Variants in GIGYF2 observed in about 807,000 individuals in gnomAD.
GIGYF2 encodes the protein GRB10 interacting GYF protein 2, also known as GRB10-interacting GYF protein 2.
Under a neutral mutation model 208.1 loss-of-function variants are expected in GIGYF2, and 25 were observed. That is an observed-to-expected ratio of 0.12 (90% CI 0.09 to 0.17). GIGYF2 has a LOEUF of 0.17. Among genes scored for constraint, GIGYF2 ranks in the 10% least tolerant of loss-of-function variants. The pLI, the probability that GIGYF2 is intolerant of heterozygous loss-of-function variation, is 1.00. For missense variants in GIGYF2, 1,302 were observed against 1,579.4 expected (o/e 0.82, Z 2.98); for synonymous variants, 534 against 543.8 (o/e 0.98, Z 0.25).
At chr2:232,756,168 AT>A (rs891986630) in intron 5 of GIGYF2, 54 bp from the exon 6 acceptor site, 35 of 984,232 alleles carry the variant, frequency 3.6e-5, no homozygotes, top group Non-Finnish European at 4.2e-5. Context: ...TGTTTCATCC[AT>A]TTTTTTCTTT....
chr2:232,756,128 A>G lies in GIGYF2; in HGVS notation c.268-95A>G, dbSNP rs543483845. 3 of 707,296 alleles carry G rather than the reference A, an allele frequency of 4.2e-6. No homozygotes were observed. In the African/African-American group the frequency reaches 5.4e-5, roughly 13 times the overall value. The allele number at this position is 707,296 out of a possible 1,614,324, so 43.8% of individuals were successfully genotyped here. A position where few individuals can be genotyped will look rare whatever the true frequency, so the allele number is the denominator to read the frequency against. On this transcript the variant is annotated intron_variant, in intron 5 of 28. Coordinates refer to ENST00000373563, the MANE Select transcript of GIGYF2 (RefSeq NM_001103146.3). ...ATGCCTTTTTATAGATGCAGTAGGA[A>G]TGTGGGGAGAAGCAACATGTAGTTT...
intron 8 of GIGYF2, chr2:232,766,826 A>G (rs377117377): frequency 5.9e-5 from 9 of 152,294 alleles, no homozygotes; most frequent in African/African-American, 1.9e-4. Context: ...ATTCCTGCCT[A>G]GGTCATCACC....
intron 22 of GIGYF2, among the ~76,000 whole-genome samples, chr2:232,836,733 G>T (rs976292405): frequency 6.6e-6 from 1 of 152,142 alleles, no homozygotes; most frequent in Middle Eastern, 3.4e-3. Flanking sequence ...AGATAAGGTA[G>T]CAGCCTCCTA....
At chr2:232,849,789 T>G (rs1323674704) in intron 27 of GIGYF2, among the ~76,000 whole-genome samples, 2 of 152,182 alleles carry the variant, frequency 1.3e-5, no homozygotes, top group Non-Finnish European at 2.9e-5. Context: ...GCCAGATCGT[T>G]TCTGGGATTG....
Position 232,794,840 on chromosome 2 carries a change from A to T in GIGYF2, c.1375A>T (p.Ser459Cys). The change falls in exon 13 of 29, where the codon AGT becomes TGT. Residue 459 changes from serine (S) to cysteine (C), a missense_variant. Ser to Cys is a moderately radical substitution (Grantham distance 112). Around this residue, in one of 8 missense-constraint regions of GIGYF2, gnomAD observed 235 missense variants for 218.8 expected, o/e 1.07. Coordinates refer to ENST00000373563, the MANE Select transcript of GIGYF2 (RefSeq NM_001103146.3). Reference protein sequence around the residue: ...LILPPPVPNPSPTLRPVETPV... With the variant: ...LILPPPVPNPCPTLRPVETPV... ...ACTTCCACCTCCTGTTCCCAATCCTAGTCCTACTCTCCGGCCAGTTGAAAC... is the reference window on the plus strand; with the variant it reads ...ACTTCCACCTCCTGTTCCCAATCCTTGTCCTACTCTCCGGCCAGTTGAAAC... 6.2e-7 allele frequency: 1 copy of T among 1,613,626 alleles called. No individual in the cohort carries two copies. The highest frequency in any genetic ancestry group is 8.5e-7 in the Non-Finnish European group (1 of 1,179,606).
At position 232,791,072 on chromosome 2, in the gene GIGYF2, A is replaced by G; in HGVS notation, c.995A>G (p.Glu332Gly). ...EMDFRPVDEGEECSDSEGSHN... is the reference protein window; with the variant it reads ...EMDFRPVDEGGECSDSEGSHN... ...GACTTCCGGCCTGTGGACGAAGGGG[A>G]GGAGTGCTCTGACTCTGAGGGTAGC... The change falls in exon 11 of 29, where the codon GAG (glutamate) becomes GGG (glycine). Residue 332 changes from glutamate (E) to glycine (G), a missense_variant. Transcript: ENST00000373563. The G allele has an allele frequency of 6.2e-7, 1 of 1,613,914 alleles. No homozygotes were observed. The highest frequency in any genetic ancestry group is 1.1e-5 in the South Asian group (1 of 91,068).
intron 14 of GIGYF2, among the ~76,000 whole-genome samples, chr2:232,796,688 A>T (rs561579927): frequency 6.6e-6 from 1 of 152,120 alleles, no homozygotes; most frequent in Non-Finnish European, 1.5e-5. Context: ...GTGAAACTCC[A>T]TCTCTACTAA....
At chr2:232,817,569 C>T (rs998703975) in intron 20 of GIGYF2, among the ~76,000 whole-genome samples, 7 of 152,184 alleles carry the variant, frequency 4.6e-5, no homozygotes, top group Non-Finnish European at 1.0e-4. Context: ...CTCCTAGTAA[C>T]CACCATTCTT....
At chr2:232,836,289 TA>T (rs1559160308) in intron 22 of GIGYF2, among the ~76,000 whole-genome samples, 4 of 7,130 alleles carry the variant, frequency 5.6e-4, no homozygotes, top group African/African-American at 1.1e-3. Context: ...TATATATATA[TA>T]TATATATATA....
At chr2:232,787,113 A>G (rs1699938790) in intron 8 of GIGYF2, 37 bp from the exon 9 acceptor site, 2 of 1,481,514 alleles carry the variant, frequency 1.3e-6, no homozygotes, top group Middle Eastern at 1.7e-4. Context: ...ATACTGGCAG[A>G]GGCTCATGTT....
intron 3 of GIGYF2, among the ~76,000 whole-genome samples, chr2:232,741,708 T>C (rs1697974447): frequency 6.6e-6 from 1 of 152,126 alleles, no homozygotes; most frequent in Non-Finnish European, 1.5e-5. Context: ...CCTCCTACAG[T>C]GTTGGGATTA....
chr2:232,735,540 T>C, intron 3 of GIGYF2: 1 of 343,908 alleles, frequency 2.9e-6, no homozygotes, highest in Middle Eastern at 1.0e-3. Flanking sequence ...TACAATTTTA[T>C]GTAAGTATAA....
At chr2:232,849,324 C>T (rs1690209402) in intron 27 of GIGYF2, among the ~76,000 whole-genome samples, 1 of 152,046 alleles carries the variant, frequency 6.6e-6, no homozygotes, top group Non-Finnish European at 1.5e-5. Context: ...ACCACCATGC[C>T]TGGCTAATTT....
At chr2:232,792,619 A>G (rs114945228) in intron 12 of GIGYF2, among the ~76,000 whole-genome samples, 1,996 of 152,254 alleles carry the variant, frequency 0.013, 34 homozygotes, top group African/African-American at 0.045. Context: ...GGGCCTCACT[A>G]TGTTGTTCAG....
chr2:232,731,016 C>T (rs977842489), intron 2 of GIGYF2: 6 of 151,516 alleles, frequency 4.0e-5, no homozygotes, highest in Admixed American at 3.3e-4. Flanking sequence ...ATCTTCTGAG[C>T]TCTTAATGGT....
intron 12 of GIGYF2, 74 bp from the exon 13 acceptor site, chr2:232,794,674 G>A (rs1700170485): frequency 3.4e-6 from 4 of 1,165,380 alleles, no homozygotes; most frequent in East Asian, 2.3e-5. Context: ...CAGGCTGTGC[G>A]ACTTGATAAT....
intron 2 of GIGYF2, among the ~76,000 whole-genome samples, chr2:232,730,625 G>A (rs1188041331): frequency 1.4e-5 from 2 of 140,062 alleles, no homozygotes; most frequent in Non-Finnish European, 1.5e-5. Flanking sequence ...AAGGCCGGGC[G>A]CGGTGGCTCA....
At chr2:232,825,828 A>G (rs1439496836) in intron 21 of GIGYF2, among the ~76,000 whole-genome samples, 1 of 151,528 alleles carries the variant, frequency 6.6e-6, no homozygotes, top group African/African-American at 2.4e-5. Context: ...TACATTAGGT[A>G]TTTCTCCTAA....
rs187896112 is a variant in GIGYF2, at chr2:232,850,040, G to A, written c.3685-222G>A. ...CCCAGAGTTAACCAGGACAGGCTTT[G>A]TGGAGGCACTGAGCCCTGAGTGGGA... On this transcript the variant is annotated intron_variant, in intron 27 of 28. Transcript: ENST00000373563. 4.5e-4 allele frequency among the ~76,000 whole-genome samples: 68 copies of A among 152,334 alleles called. No homozygotes were observed. In the South Asian group the frequency reaches 7.5e-3, roughly 17 times the overall value.
Sources: gnomAD v4.1 joint callset for allele counts (sites outside exome capture counted in the v4.1 genomes callset) on GRCh38, gnomAD v4.1.1 for gene constraint, gnomAD v4.1.1 regional missense constraint, MANE v1.5 for transcripts, NCBI Gene and HGNC (gene_info 2026-07-23, HGNC 2026-07-21) for gene names.